The following MAF variants were observed in gnomAD, a reference collection of about 807,000 sequenced individuals.
MAF encodes the protein transcription factor Maf.
Under a neutral mutation model 22.0 loss-of-function variants are expected in MAF, and 10 were observed. The observed-to-expected ratio is 0.45, with a 90% confidence interval of 0.28 to 0.77. The LOEUF (loss-of-function observed/expected upper bound fraction) is 0.77, where lower values mean the gene tolerates loss of function less well. MAF is among the 30% of genes least tolerant of loss of function. The probability of loss-of-function intolerance (pLI) is 0.12; values close to 1 mark genes in which losing one functional copy is unlikely to be tolerated. For missense variants in MAF, 544 were observed against 548.4 expected (o/e 0.99, Z 0.08); for synonymous variants, 337 against 255.8 (o/e 1.32, Z -3.03).
chr16:79,322,052 C>T, the MAF span, among the ~76,000 whole-genome samples: 138,374 of 151,912 alleles, frequency 0.91, 63,399 homozygotes, highest in Non-Finnish European at 0.96. Flanking sequence ...GGCAACACGG[C>T]GAAACGCCAT....
chr16:79,544,915 A>G, the MAF span, among the ~76,000 whole-genome samples: 1 of 152,178 alleles, frequency 6.6e-6, no homozygotes, highest in African/African-American at 2.4e-5. Flanking sequence ...ATAACGAGGG[A>G]CTGATCCTTA....
chr16:79,599,928 C>T lies in MAF; in HGVS notation c.-26G>A. 6.3e-7 allele frequency: 1 copy of T among 1,598,378 alleles called. No individual in the cohort carries two copies. Among genetic ancestry groups the T allele is most frequent in the Non-Finnish European group, 8.5e-7 (1 of 1,179,392 alleles). On this transcript the variant is annotated 5_prime_UTR_variant, in exon 1 of 2. Transcript: ENST00000326043. ...TCTCCTGCCGCCGCCGCCGCCGCCGCCGCCGCTCCGCCAGATGGGCTGCAG... is the reference window on the plus strand; with the variant it reads ...TCTCCTGCCGCCGCCGCCGCCGCCGTCGCCGCTCCGCCAGATGGGCTGCAG...
the MAF span, among the ~76,000 whole-genome samples, chr16:79,335,882 G>C: frequency 0.45 from 69,025 of 152,066 alleles, 17,707 homozygotes; most frequent in East Asian, 0.68. Flanking sequence ...GGTGAGGTTG[G>C]ACCTGCCAGG....
At chr16:79,261,377 T>C in the MAF span, among the ~76,000 whole-genome samples, 1 of 152,114 alleles carries the variant, frequency 6.6e-6, no homozygotes, top group African/African-American at 2.4e-5. Context: ...GGTCTTGAAC[T>C]CACAACCTCA....
chr16:79,285,912 A>G, the MAF span, among the ~76,000 whole-genome samples: 4 of 152,222 alleles, frequency 2.6e-5, no homozygotes, highest in Non-Finnish European at 4.4e-5. Context: ...CAACTGGCTG[A>G]GCCAAAGGGG....
At chr16:79,430,404 A>G in the MAF span, among the ~76,000 whole-genome samples, 15 of 152,278 alleles carry the variant, frequency 9.9e-5, no homozygotes, top group Non-Finnish European at 2.1e-4. Context: ...GACGCTTTTG[A>G]CAAACACCAA....
the MAF span, among the ~76,000 whole-genome samples, chr16:79,365,078 T>A: frequency 1.3e-5 from 2 of 152,208 alleles, no homozygotes; most frequent in African/African-American, 4.8e-5. Flanking sequence ...TGGTTAAACT[T>A]CAACTTCACT....
chr16:79,417,797 G>T, the MAF span, among the ~76,000 whole-genome samples: 1 of 152,000 alleles, frequency 6.6e-6, no homozygotes, highest in Non-Finnish European at 1.5e-5. Context: ...TCTCAGGAAA[G>T]GAGTGTCCCT....
At chr16:79,292,900 G>A in the MAF span, among the ~76,000 whole-genome samples, 1 of 152,118 alleles carries the variant, frequency 6.6e-6, no homozygotes, top group Admixed American at 6.6e-5. Context: ...ATGCCCAAAT[G>A]CCATGGCAAC....
At chr16:79,243,817 A>G in the MAF span, among the ~76,000 whole-genome samples, 2 of 152,118 alleles carry the variant, frequency 1.3e-5, no homozygotes, top group African/African-American at 2.4e-5. Flanking sequence ...AAAATCCTCA[A>G]TAAAATACTG....
chr16:79,446,466 C>A, the MAF span, among the ~76,000 whole-genome samples: 1 of 152,058 alleles, frequency 6.6e-6, no homozygotes, highest in Non-Finnish European at 1.5e-5. Context: ...CTAGAAGTGA[C>A]CCTGTTTGGG....
the MAF span, among the ~76,000 whole-genome samples, chr16:79,531,889 G>A: frequency 6.6e-6 from 1 of 152,072 alleles, no homozygotes; most frequent in East Asian, 1.9e-4. Flanking sequence ...AGATCTAGAA[G>A]GCACAATGTC....
At chr16:79,209,571 A>C in the MAF span, among the ~76,000 whole-genome samples, 3 of 152,194 alleles carry the variant, frequency 2.0e-5, no homozygotes. Flanking sequence ...TCGGGAGTTA[A>C]TGGCAAGTCA....
At chr16:79,563,185 T>C in the MAF span, among the ~76,000 whole-genome samples, 1 of 152,192 alleles carries the variant, frequency 6.6e-6, no homozygotes, top group African/African-American at 2.4e-5. Flanking sequence ...AACCTCAATC[T>C]GGCAGGTAAA....
the MAF span, among the ~76,000 whole-genome samples, chr16:79,431,135 A>G: frequency 6.6e-6 from 1 of 152,148 alleles, no homozygotes; most frequent in Non-Finnish European, 1.5e-5. Flanking sequence ...TTGGGGATTC[A>G]TGTGCAGGCT....
At chr16:79,301,112 A>G in the MAF span, among the ~76,000 whole-genome samples, 2 of 152,164 alleles carry the variant, frequency 1.3e-5, no homozygotes, top group African/African-American at 4.8e-5. Flanking sequence ...GTAGGGAGGA[A>G]AGGAAACTCC....
the MAF span, among the ~76,000 whole-genome samples, chr16:79,456,827 A>T: frequency 6.6e-6 from 1 of 152,300 alleles, no homozygotes; most frequent in African/African-American, 2.4e-5. Context: ...GCTAAAAATT[A>T]AACCTTGAAT....
chr16:79,418,660 T>C, the MAF span, among the ~76,000 whole-genome samples: 1 of 152,202 alleles, frequency 6.6e-6, no homozygotes, highest in Non-Finnish European at 1.5e-5. Flanking sequence ...TTTTTCTCTC[T>C]CCTAGAAGCT....
the MAF span, among the ~76,000 whole-genome samples, chr16:79,335,922 C>T: frequency 3.5e-4 from 54 of 152,316 alleles, no homozygotes; most frequent in African/African-American, 1.1e-3. Flanking sequence ...AGGACTCCTG[C>T]ACTGAGCATG....
Sources: gnomAD v4.1 joint callset for allele counts (sites outside exome capture counted in the v4.1 genomes callset) on GRCh38, gnomAD v4.1.1 for gene constraint, MANE v1.5 for transcripts, NCBI Gene and HGNC (gene_info 2026-07-23, HGNC 2026-07-21) for gene names.